ACYP2: variants seen among roughly 807,000 people sequenced by gnomAD.
ACYP2 encodes acylphosphatase-2.
ACYP2 carries 12 observed loss-of-function variants against 11.2 expected under a neutral mutation model. The observed-to-expected ratio is 1.08, with a 90% CI of 0.69 to 1.74. ACYP2 has a LOEUF of 1.74. ACYP2 is among the 40% of genes most tolerant of loss of function. ACYP2 has a pLI of 0.00. For missense variants in ACYP2, 134 were observed against 101.9 expected (o/e 1.31, Z -1.35); for synonymous variants, 43 against 32.2 (o/e 1.33, Z -1.13).
rs556221239 is a variant in ACYP2 at position 54,090,098 on chromosome 2, T to C, written c.277+32738T>C. On this transcript the variant is annotated intron_variant, in intron 4 of 6. Coordinates refer to ENST00000607452, the MANE Select transcript of ACYP2 (RefSeq NM_001320586.2). Reference sequence around the variant, plus strand: ...AGATGCAGGTTACAATGAGCCAAGATCACACCACTGCACTCCAGCCTGAGC... The same window carrying C: ...AGATGCAGGTTACAATGAGCCAAGACCACACCACTGCACTCCAGCCTGAGC... Among the ~76,000 whole-genome samples, 3 of 147,548 alleles carry C rather than the reference T, an allele frequency of 2.0e-5. No homozygotes were observed. The South Asian group carries it at 6.5e-4, about 32-fold the overall frequency.
chr2:54,119,678 G>A (rs1289484192), intron 4 of ACYP2, among the ~76,000 whole-genome samples: 1 of 152,192 alleles, frequency 6.6e-6, no homozygotes, highest in African/African-American at 2.4e-5. Context: ...TGCAGAAAAC[G>A]TTTTCCAACC....
intron 6 of ACYP2, among the ~76,000 whole-genome samples, chr2:54,281,845 ATTTG>A (rs1688861487): frequency 6.6e-6 from 1 of 152,204 alleles, no homozygotes; most frequent in Non-Finnish European, 1.5e-5. Context: ...CACAAATTCA[ATTTG>A]TTTGAACAAG....
chr2:54,186,933 T>A (rs1298645757), intron 6 of ACYP2, among the ~76,000 whole-genome samples: 1 of 152,142 alleles, frequency 6.6e-6, no homozygotes, highest in Non-Finnish European at 1.5e-5. Flanking sequence ...AAAAATTATG[T>A]AACCAAGTAA....
chr2:54,092,506 G>T (rs745334015), intron 4 of ACYP2, among the ~76,000 whole-genome samples: 1 of 152,162 alleles, frequency 6.6e-6, no homozygotes, highest in Non-Finnish European at 1.5e-5. Flanking sequence ...ATTTATCAGG[G>T]ATGAGGAATG....
intron 4 of ACYP2, among the ~76,000 whole-genome samples, chr2:54,088,527 C>G (rs1678061269): frequency 1.3e-5 from 2 of 152,188 alleles, no homozygotes; most frequent in African/African-American, 4.8e-5. Context: ...GGGTCAGAGA[C>G]TAACTGGCAA....
chr2:54,250,333 C>T (rs140135949), intron 6 of ACYP2, among the ~76,000 whole-genome samples: 49 of 152,200 alleles, frequency 3.2e-4, no homozygotes, highest in African/African-American at 1.2e-3. Flanking sequence ...TTTAGCTCGG[C>T]GTGGTGGCGC....
At chr2:54,175,163 G>C (rs4326632) in intron 6 of ACYP2, among the ~76,000 whole-genome samples, 20,106 of 151,762 alleles carry the variant, frequency 0.13, 3,147 homozygotes, top group African/African-American at 0.38. Context: ...TGGTCCTGGA[G>C]TTTTTTTTGG....
At chr2:54,043,171 G>A (rs1335810707) in intron 2 of ACYP2, among the ~76,000 whole-genome samples, 1 of 152,144 alleles carries the variant, frequency 6.6e-6, no homozygotes, top group East Asian at 1.9e-4. Flanking sequence ...GAGTGGTTGA[G>A]TTCAGGATTG....
intron 6 of ACYP2, among the ~76,000 whole-genome samples, chr2:54,284,453 T>C (rs1012865480): frequency 6.6e-6 from 1 of 152,180 alleles, no homozygotes; most frequent in African/African-American, 2.4e-5. Flanking sequence ...TTCCTCTTGG[T>C]CTCATTCTTA....
At chr2:54,032,064 C>A (rs913729875) in intron 2 of ACYP2, among the ~76,000 whole-genome samples, 4 of 152,114 alleles carry the variant, frequency 2.6e-5, no homozygotes, top group African/African-American at 9.7e-5. Context: ...AATTTTCTCC[C>A]ATTTTGTAGG....
chr2:54,165,513 T>TCA (rs1162567320), intron 6 of ACYP2, among the ~76,000 whole-genome samples: 15 of 88,618 alleles, frequency 1.7e-4, no homozygotes, highest in Middle Eastern at 5.2e-3. Context: ...TCTCTCTCTT[T>TCA]CACTCTCTCT....
At chr2:54,174,060 G>T (rs1370564232) in intron 6 of ACYP2, among the ~76,000 whole-genome samples, 18 of 152,204 alleles carry the variant, frequency 1.2e-4, no homozygotes, top group East Asian at 5.8e-4. Context: ...TTTTTCCAAT[G>T]CTGTGAAGAA....
At chr2:54,115,866 C>T (rs1477102294) in intron 4 of ACYP2, 110 bp downstream of exon 1, 6 of 1,326,588 alleles carry the variant, frequency 4.5e-6, no homozygotes, top group African/African-American at 3.2e-5. Context: ...GTGGCTGGGA[C>T]TTCCGCTCCG....
At chr2:54,257,234 G>C (rs28607569) in intron 6 of ACYP2, among the ~76,000 whole-genome samples, 1 of 152,102 alleles carries the variant, frequency 6.6e-6, no homozygotes, top group Non-Finnish European at 1.5e-5. Context: ...AAAAAAAGAG[G>C]AATCTTATCT....
At chr2:54,004,505 G>A (rs948164594) in intron 2 of ACYP2, among the ~76,000 whole-genome samples, 1 of 148,842 alleles carries the variant, frequency 6.7e-6, no homozygotes, top group Admixed American at 6.8e-5. Flanking sequence ...CTGTCTTCCG[G>A]GTTCACACCA....
chr2:54,214,871 C>T (rs1685494051), intron 6 of ACYP2, among the ~76,000 whole-genome samples: 1 of 152,100 alleles, frequency 6.6e-6, no homozygotes, highest in Non-Finnish European at 1.5e-5. Flanking sequence ...ATTGATTCTT[C>T]CTATCTGTGA....
intron 3 of ACYP2, among the ~76,000 whole-genome samples, chr2:54,054,762 A>G (rs1676032612): frequency 6.6e-6 from 1 of 152,258 alleles, no homozygotes; most frequent in African/African-American, 2.4e-5. Context: ...GAAGGAACAT[A>G]TAACTCATCT....
At chr2:54,222,710 T>C (rs981300355) in intron 6 of ACYP2, among the ~76,000 whole-genome samples, 35 of 152,176 alleles carry the variant, frequency 2.3e-4, no homozygotes, top group African/African-American at 8.0e-4. Flanking sequence ...TTTTTTAGCA[T>C]GTGAAAGTCT....
At chr2:54,139,241 G>T (rs545708348) in intron 6 of ACYP2, among the ~76,000 whole-genome samples, 1 of 152,204 alleles carries the variant, frequency 6.6e-6, no homozygotes, top group Non-Finnish European at 1.5e-5. Context: ...TGACAGATGC[G>T]TAGTGCCTTA....
Sources: gnomAD v4.1 joint callset for allele counts (sites outside exome capture counted in the v4.1 genomes callset) on GRCh38, gnomAD v4.1.1 for gene constraint, MANE v1.5 for transcripts, NCBI Gene and HGNC (gene_info 2026-07-23, HGNC 2026-07-21) for gene names.